Variants in ACE observed in about 807,000 individuals in gnomAD.
ACE encodes the protein angiotensin I converting enzyme.
In ACE, 122 loss-of-function variants were observed where a neutral mutation model predicts 162.3. The observed-to-expected ratio is 0.75, with a 90% CI of 0.65 to 0.87. The LOEUF (loss-of-function observed/expected upper bound fraction) is 0.87, where lower values mean the gene tolerates loss of function less well. Among genes scored for constraint, ACE ranks in the 40% least tolerant of loss-of-function variants. The pLI is 0.00. For missense variants in ACE, 1,799 were observed against 1,735.1 expected, an observed-to-expected ratio of 1.04 and a Z score of -0.65; for synonymous variants, 796 against 720.6, an observed-to-expected ratio of 1.10 and a Z score of -1.68.
In ACE at chr17:63,496,875, C is replaced by A. The variant is rs777388821; in HGVS notation, c.3581C>A (p.Ala1194Asp). The stretch of plus-strand genomic sequence containing the variant: ...ATCACGGGCCAGCCCAACATGAGCG[C>A]CTCGGCCATGTTGAGCTACTTCAAG... ...QLITGQPNMS[A>D]SAMLSYFKPL... The change falls in exon 24 of 25, where the codon GCC becomes GAC. Residue 1194 changes from alanine to aspartate, a missense_variant. Transcript: ENST00000290866. 9.3e-6 allele frequency: 15 copies of A among 1,613,666 alleles called. No individual in the cohort carries two copies. Among genetic ancestry groups the A allele is most frequent in the Non-Finnish European group, 1.3e-5 (15 of 1,180,036 alleles).
intron 1 of ACE, chr17:63,477,691 T>A: frequency 1.8e-6 from 1 of 570,000 alleles, no homozygotes; most frequent in Non-Finnish European, 3.1e-6. Flanking sequence ...CCATCCACCC[T>A]CCACTCGCCC....
Position 63,480,475 on chromosome 17 carries a change from G to A in ACE, c.794G>A (p.Arg265Gln), listed in dbSNP as rs930786156. The change falls in exon 5 of 25, where the codon CGA (arginine) becomes CAA (glutamine). Residue 265 changes from arginine to glutamine, a missense_variant. Physicochemically the swap from Arg to Gln is conservative, Grantham distance 43. Coordinates refer to ENST00000290866, the MANE Select transcript of ACE (RefSeq NM_000789.4). ...TTCGTCCGCCGCGCACTGCATCGCCGATACGGAGACAGATACATCAACCTC... is the reference window on the plus strand; with the variant it reads ...TTCGTCCGCCGCGCACTGCATCGCCAATACGGAGACAGATACATCAACCTC... ...HAFVRRALHR[R>Q]YGDRYINLRG... 7.4e-6 allele frequency: 12 copies of A among 1,613,918 alleles called. No homozygotes were observed. Among genetic ancestry groups the A allele is most frequent in the South Asian group, 6.6e-5 (6 of 91,092 alleles).
At position 63,482,581 on chromosome 17, in the gene ACE, G is replaced by T. The variant is rs779643154; in HGVS notation, c.1234G>T (p.Ala412Ser). 1 of 1,614,086 alleles carries T rather than the reference G, an allele frequency of 6.2e-7. No individual in the cohort carries two copies. Residue 412 changes from alanine to serine, a missense_variant, in exon 8 of 25, where the codon GCC (alanine) becomes TCC (serine). Transcript: ENST00000290866. Reference sequence around the variant, plus strand: ...TCTGCCCGTCTCCCTGCGTCGGGGGGCCAACCCCGGCTTCCATGAGGCCAT... The same window carrying T: ...TCTGCCCGTCTCCCTGCGTCGGGGGTCCAACCCCGGCTTCCATGAGGCCAT... The part of the protein sequence containing the change: ...KDLPVSLRRG[A>S]NPGFHEAIGD...
chr17:63,491,357 A>G lies in ACE; in HGVS notation c.2888A>G (p.Asp963Gly). Residue 963 changes from aspartate (D) to glycine (G), a missense_variant, in exon 19 of 25, where the codon GAC (aspartate) becomes GGC (glycine). Physicochemically the swap from Asp to Gly is moderately conservative, Grantham distance 94. Transcript: ENST00000290866. This position sits in a 1 kb window ranked among gnomAD's most constrained non-coding sequence, Gnocchi z 4.4. ...REVVCHASAWDFYNGKDFRIK... is the reference protein window; with the variant it reads ...REVVCHASAWGFYNGKDFRIK... ...GTGGTCTGCCACGCCTCGGCCTGGG[A>G]CTTCTACAACGGCAAGGACTTCCGG... is the stretch of plus-strand genomic sequence containing the variant. The G allele has an allele frequency of 2.5e-6, 4 of 1,614,078 alleles. No homozygotes were observed. The highest frequency in any genetic ancestry group is 3.4e-6 in the Non-Finnish European group (4 of 1,180,018).
chr17:63,478,370 G>A, intron 2 of ACE: 2 of 487,118 alleles, frequency 4.1e-6, no homozygotes, highest in South Asian at 4.3e-5. Flanking sequence ...AGCTTCTTTG[G>A]AAGAGTTGAG....
At chr17:63,490,743 C>A in intron 17 of ACE, 1 of 597,368 alleles carries the variant, frequency 1.7e-6, no homozygotes, top group Admixed American at 2.4e-5. Context: ...ACCAGCAAGG[C>A]CCCCACCTAG....
At chr17:63,489,162 G>C in intron 17 of ACE, 30 bp downstream of exon 17, 1 of 1,599,926 alleles carries the variant, frequency 6.3e-7, no homozygotes, top group South Asian at 1.1e-5. Flanking sequence ...CTTGAGGAGG[G>C]TAAAGACGGA....
In ACE at chr17:63,477,105, C is replaced by T; in HGVS notation, c.11C>T (p.Ala4Val). 1.5e-6 allele frequency: 2 copies of T among 1,317,378 alleles called. No homozygotes were observed. Among genetic ancestry groups the T allele is most frequent in the South Asian group, 4.3e-5 (2 of 47,054 alleles). 81.6% of individuals were successfully genotyped at this position (1,317,378 alleles called of 1,614,324 possible). ...ACCGCGCACCGCGTCATGGGGGCCG[C>T]CTCGGGCCGCCGGGGGCCGGGGCTG... MGA[A>V]SGRRGPGLLL... The change falls in exon 1 of 25, where the codon GCC becomes GTC. Residue 4 changes from alanine to valine, a missense_variant. Coordinates refer to ENST00000290866, the MANE Select transcript of ACE (RefSeq NM_000789.4).
chr17:63,493,744 C>T (rs2030542987), intron 20 of ACE, 85 bp downstream of exon 20: 1 of 1,536,354 alleles, frequency 6.5e-7, no homozygotes, highest in Non-Finnish European at 8.9e-7. Flanking sequence ...CACTTAGTGG[C>T]CCATGGGCAG....
intron 17 of ACE, 121 bp from the exon 18 acceptor site, chr17:63,490,833 C>T: frequency 6.3e-6 from 6 of 949,828 alleles, no homozygotes. Flanking sequence ...ACAGTAGGTG[C>T]TCAAGAAATG....
rs972271442 is a variant in ACE, at chr17:63,484,491, C to G, written c.1871C>G (p.Pro624Arg). ...NQQNGEVLGW[P>R]EYQWHPPLPD... is the part of the protein sequence containing the mutation. ...CAGAACGGCGAGGTCCTGGGCTGGC[C>G]CGAGTACCAGTGGCACCCGCCGTTG... Residue 624 changes from proline to arginine, a missense_variant, in exon 12 of 25, where the codon CCC becomes CGC. Physicochemically the swap from Pro to Arg is moderately radical, Grantham distance 103 (BLOSUM62 -2). Coordinates refer to ENST00000290866, the MANE Select transcript of ACE (RefSeq NM_000789.4). This position sits in a 1 kb window ranked among gnomAD's most constrained non-coding sequence, Gnocchi z 4.0. 6.2e-7 allele frequency: 1 copy of G among 1,609,340 alleles called. No individual in the cohort carries two copies. Among genetic ancestry groups the G allele is most frequent in the Non-Finnish European group, 8.5e-7 (1 of 1,179,030 alleles).
rs2030846693 is a variant in ACE, at chr17:63,497,535, C to T, written c.*169C>T. The stretch of plus-strand genomic sequence containing the variant: ...CTCCAGACCACCAGCCGCCCCAGCC[C>T]CTTCTCCCAGCACACGGCTGCCTGA... On this transcript the variant is annotated 3_prime_UTR_variant, in exon 25 of 25. Coordinates refer to ENST00000290866, the MANE Select transcript of ACE (RefSeq NM_000789.4). The T allele has an allele frequency of 1.4e-6, 1 of 721,756 alleles. No individual in the cohort carries two copies. The highest frequency in any genetic ancestry group is 2.3e-4 in the Middle Eastern group (1 of 4,404). 44.7% of individuals were successfully genotyped at this position (721,756 alleles called of 1,614,324 possible). A position where few individuals can be genotyped will look rare whatever the true frequency, so the allele number is the denominator to read the frequency against.
rs1201913576 is a variant in ACE at position 63,496,067 on chromosome 17, A to G, written c.3381-327A>G. The G allele has an allele frequency of 2.5e-5, 10 of 406,816 alleles. No individual in the cohort carries two copies. In the Admixed American group the frequency reaches 3.2e-4, roughly 13 times the overall value. The allele number at this position is 406,816 out of a possible 1,614,324, so 25.2% of individuals were successfully genotyped here. ...GCCTCTACTTGCATATACCCCAGGG[A>G]TGGAGACCTCACTGCCTCCAAAGCC... On this transcript the variant is annotated intron_variant, in intron 22 of 24. Transcript: ENST00000290866.
chr17:63,477,833 C>T (rs2049643737), intron 1 of ACE, 98 bp from the exon 2 acceptor site: 2 of 1,485,874 alleles, frequency 1.3e-6, no homozygotes, highest in Non-Finnish European at 1.8e-6. Flanking sequence ...TCTGGAAGCC[C>T]TTGGCCTTCC....
In ACE at chr17:63,481,629, C is replaced by G. The variant is rs764882826; in HGVS notation, c.1009C>G (p.Pro337Ala). Residue 337 changes from proline to alanine, a missense_variant, in exon 7 of 25, where the codon CCC (proline) becomes GCC (alanine). Physicochemically the swap from Pro to Ala is conservative, Grantham distance 27. Coordinates refer to ENST00000290866, the MANE Select transcript of ACE (RefSeq NM_000789.4). ...EEFFTSLELSPMPPEFWEGSM... is the reference protein window; with the variant it reads ...EEFFTSLELSAMPPEFWEGSM... ...GTTCTTCACCTCCCTGGAGCTCTCC[C>G]CCATGCCTCCCGAGTTCTGGGAAGG... 1 of 1,614,122 alleles carries G rather than the reference C, an allele frequency of 6.2e-7. No individual in the cohort carries two copies. Among genetic ancestry groups the G allele is most frequent in the Admixed American group, 1.7e-5 (1 of 60,026 alleles).
At chr17:63,493,751 G>A (rs2030543506) in intron 20 of ACE, 92 bp downstream of exon 20, 1 of 1,529,002 alleles carries the variant, frequency 6.5e-7, no homozygotes, top group Non-Finnish European at 8.9e-7. Context: ...TGGCCCATGG[G>A]CAGAGGTGTG....
intron 10 of ACE, 142 bp from the exon 11 acceptor site, chr17:63,483,707 G>A: frequency 6.7e-7 from 1 of 1,497,492 alleles, no homozygotes; most frequent in Admixed American, 1.7e-5. Flanking sequence ...CCACTCTCCT[G>A]AGCCTGTCTT....
rs1028504380 is a variant in ACE at position 63,493,909 on chromosome 17, C to T, written c.3137-13C>T. On this transcript the variant is annotated splice_polypyrimidine_tract_variant and intron_variant, in intron 20 of 24. Coordinates refer to ENST00000290866, the MANE Select transcript of ACE (RefSeq NM_000789.4). ...GACCCTGGGTCTGACAGCTGGGCTC[C>T]CTTCCCTTGCAGAGCATGACATCAA... 14 of 1,614,030 alleles carry T rather than the reference C, an allele frequency of 8.7e-6. No homozygotes were observed. In the African/African-American group the frequency reaches 1.5e-4, roughly 17 times the overall value.
At chr17:63,496,720 T>C in intron 23 of ACE, 78 bp from the exon 24 acceptor site, 14 of 1,595,240 alleles carry the variant, frequency 8.8e-6, no homozygotes, top group Non-Finnish European at 1.2e-5. Flanking sequence ...TGGGAGTGGG[T>C]ATGGAGAGTG....
Sources: allele counts gnomAD v4.1 joint callset, GRCh38; gene constraint gnomAD v4.1.1; non-coding constraint Gnocchi (gnomAD v3.1); transcripts MANE v1.5; gene names NCBI Gene and HGNC (gene_info 2026-07-23, HGNC 2026-07-21).